The following CSMD1 variants were observed in gnomAD, a reference collection of about 807,000 sequenced individuals.
CSMD1 encodes the protein CUB and Sushi multiple domains 1.
CSMD1 carries 213 observed loss-of-function variants against 417.5 expected under a neutral mutation model. The ratio of observed to expected loss-of-function variants is 0.51; its 90% CI spans 0.46 to 0.57. CSMD1 has a LOEUF of 0.57. CSMD1 is among the 20% of genes least tolerant of loss of function. The pLI, the probability that CSMD1 is intolerant of heterozygous loss-of-function variation, is 0.00. For synonymous variants in CSMD1, 2,862 were observed against 1,736.8 expected (o/e 1.65, Z -16.11); for missense variants, 6,923 against 4,529.7 (o/e 1.53, Z -15.17).
In CSMD1 at chr8:3,290,377, A is replaced by G. The variant is rs957106511; in HGVS notation, c.3951-6031T>C. ...AATTCTGTGAAGAAAGTCATTGGTA[A>G]CTTGAAGGGGATGGCATTGAATCTA... On this transcript the variant is annotated intron_variant, in intron 25 of 69. Transcript: ENST00000635120. 1.4e-5 allele frequency among the ~76,000 whole-genome samples: 2 copies of G among 146,580 alleles called. 1 individual carries two copies. Among genetic ancestry groups the G allele is most frequent in the African/African-American group, 5.5e-5 (2 of 36,644 alleles).
At chr8:4,336,199 G>C (rs1308424585) in intron 3 of CSMD1, among the ~76,000 whole-genome samples, 1 of 152,120 alleles carries the variant, frequency 6.6e-6, no homozygotes, top group South Asian at 2.1e-4. Context: ...TTGACTCAGG[G>C]AATGCAGGTA....
chr8:3,526,963 G>C (rs1797779058), intron 10 of CSMD1, among the ~76,000 whole-genome samples: 1 of 152,022 alleles, frequency 6.6e-6, no homozygotes, highest in African/African-American at 2.4e-5. Context: ...TATGTTGTTG[G>C]GTGCAGCCCT....
At chr8:4,002,386 T>C (rs909865533) in intron 4 of CSMD1, among the ~76,000 whole-genome samples, 1 of 152,164 alleles carries the variant, frequency 6.6e-6, no homozygotes, top group Non-Finnish European at 1.5e-5. Flanking sequence ...TTAAACATAA[T>C]AGCATTTGAA....
At chr8:4,566,172 T>C (rs1251789265) in intron 2 of CSMD1, among the ~76,000 whole-genome samples, 1 of 152,104 alleles carries the variant, frequency 6.6e-6, no homozygotes, top group African/African-American at 2.4e-5. Context: ...CACTGAATGA[T>C]GAGATTGATC....
intron 3 of CSMD1, among the ~76,000 whole-genome samples, chr8:4,360,114 C>A (rs1216674708): frequency 6.6e-6 from 1 of 152,138 alleles, no homozygotes; most frequent in African/African-American, 2.4e-5. Context: ...TGTCTGGTTT[C>A]CTCTCTGCAG....
At chr8:4,459,445 T>C (rs915249437) in intron 2 of CSMD1, among the ~76,000 whole-genome samples, 2 of 152,108 alleles carry the variant, frequency 1.3e-5, no homozygotes, top group African/African-American at 4.8e-5. Flanking sequence ...GGCTCAGAGA[T>C]TTTTCCCAAG....
chr8:3,810,529 T>G (rs760900969), intron 5 of CSMD1, among the ~76,000 whole-genome samples: 2 of 152,116 alleles, frequency 1.3e-5, no homozygotes, highest in Non-Finnish European at 2.9e-5. Context: ...ATGGGATGCC[T>G]CCTTGGTGTG....
chr8:3,405,945 C>A lies in CSMD1; in HGVS notation c.2266+82G>T, dbSNP rs902487234. The A allele has an allele frequency of 3.4e-5, 46 of 1,362,784 alleles. No homozygotes were observed. The African/African-American group carries it at 5.9e-4, about 17-fold the overall frequency. 84.4% of individuals were successfully genotyped at this position (1,362,784 alleles called of 1,614,324 possible). A position where few individuals can be genotyped will look rare whatever the true frequency, so the allele number is the denominator to read the frequency against. On this transcript the variant is annotated intron_variant, in intron 15 of 69. Coordinates refer to ENST00000635120, the MANE Select transcript of CSMD1 (RefSeq NM_033225.6). ...TGTTAGGGCAGCCCTAGCAAGCTAA[C>A]ACAGTTTGTTGGTTTGTGTGTGTGC... is the stretch of plus-strand genomic sequence containing the variant.
chr8:3,937,354 G>A (rs1165231173), intron 5 of CSMD1, among the ~76,000 whole-genome samples: 1 of 152,232 alleles, frequency 6.6e-6, no homozygotes, highest in African/African-American at 2.4e-5. Flanking sequence ...TTTCATTAAA[G>A]GAGGAATCAA....
At chr8:3,069,704 G>C (rs555024153) in intron 49 of CSMD1, among the ~76,000 whole-genome samples, 1 of 152,110 alleles carries the variant, frequency 6.6e-6, no homozygotes, top group African/African-American at 2.4e-5. Flanking sequence ...ACTGCTTGTA[G>C]ATCTACCATT....
intron 23 of CSMD1, among the ~76,000 whole-genome samples, chr8:3,337,516 G>A (rs6991419): frequency 0.036 from 5,489 of 152,138 alleles, 326 homozygotes; most frequent in African/African-American, 0.12. Flanking sequence ...AATGAGATAG[G>A]TGTAAAGAAT....
intron 5 of CSMD1, among the ~76,000 whole-genome samples, chr8:3,897,887 G>A (rs1807470421): frequency 6.6e-6 from 1 of 152,160 alleles, no homozygotes; most frequent in Non-Finnish European, 1.5e-5. Flanking sequence ...CTTGGCCACA[G>A]AACAAGTAAG....
At chr8:3,319,206 G>C (rs1459048932) in intron 23 of CSMD1, among the ~76,000 whole-genome samples, 4 of 152,210 alleles carry the variant, frequency 2.6e-5, no homozygotes, top group Admixed American at 6.5e-5. Flanking sequence ...ACATATTTCT[G>C]TTTTTAGCTC....
intron 1 of CSMD1, among the ~76,000 whole-genome samples, chr8:4,702,348 C>T (rs950748985): frequency 6.6e-6 from 1 of 152,194 alleles, no homozygotes; most frequent in Non-Finnish European, 1.5e-5. Flanking sequence ...CTTTGCTAAA[C>T]TGACCCTCCT....
intron 18 of CSMD1, among the ~76,000 whole-genome samples, chr8:3,375,710 C>G (rs530858763): frequency 6.6e-6 from 1 of 152,176 alleles, no homozygotes; most frequent in Non-Finnish European, 1.5e-5. Context: ...TGATGACCAG[C>G]CCCCATCTCA....
chr8:4,783,601 TC>T (rs1189470119), intron 1 of CSMD1, among the ~76,000 whole-genome samples: 1 of 152,232 alleles, frequency 6.6e-6, no homozygotes, highest in African/African-American at 2.4e-5. Flanking sequence ...GTTAGCAGTT[TC>T]TCATTGCAGT....
intron 1 of CSMD1, among the ~76,000 whole-genome samples, chr8:4,679,170 G>C (rs1805880680): frequency 6.6e-6 from 1 of 152,090 alleles, no homozygotes; most frequent in Non-Finnish European, 1.5e-5. Flanking sequence ...CACAACGCAA[G>C]TTCTATTGAA....
intron 47 of CSMD1, among the ~76,000 whole-genome samples, chr8:3,092,590 C>T (rs1474599773): frequency 1.3e-5 from 2 of 152,102 alleles, no homozygotes; most frequent in Non-Finnish European, 2.9e-5. Flanking sequence ...CCCTGAAATT[C>T]ATATCTAGTT....
intron 68 of CSMD1, among the ~76,000 whole-genome samples, chr8:2,944,618 A>G (rs1326387628): frequency 6.6e-6 from 1 of 152,176 alleles, no homozygotes; most frequent in East Asian, 1.9e-4. Flanking sequence ...TGGTTTGGGT[A>G]GCTTTCCTCT....
Sources: allele counts gnomAD v4.1 joint callset (sites outside exome capture counted in the v4.1 genomes callset), GRCh38; gene constraint gnomAD v4.1.1; transcripts MANE v1.5; gene names NCBI Gene and HGNC (gene_info 2026-07-23, HGNC 2026-07-21).